Variants in LIMS1 observed in about 807,000 individuals in gnomAD.
LIMS1 encodes LIM and senescent cell antigen-like-containing domain protein 1.
A neutral mutation model predicts 44.1 loss-of-function variants in LIMS1; 18 were observed. The observed-to-expected ratio is 0.41, with a 90% CI of 0.28 to 0.61. The LOEUF is 0.61. LIMS1 is among the 20% of genes least tolerant of loss of function. LIMS1 has a pLI of 0.32. For missense variants in LIMS1, 201 were observed against 422.0 expected, an observed-to-expected ratio of 0.48 and a Z score of 4.59; for synonymous variants, 93 against 149.1, an observed-to-expected ratio of 0.62 and a Z score of 2.74.
At chr2:108,621,390 A>G in intron 1 of LIMS1, 3 of 1,550,198 alleles carry the variant, frequency 1.9e-6, no homozygotes, top group Non-Finnish European at 1.7e-6. Context: ...TTTCACATTC[A>G]GGTCTCTACA....
intron 2 of LIMS1, among the ~76,000 whole-genome samples, chr2:108,665,302 G>A (rs2438778): frequency 2.0e-5 from 3 of 152,080 alleles, no homozygotes; most frequent in Non-Finnish European, 4.4e-5. Flanking sequence ...AACCTGTACA[G>A]CATGTTACTA....
At chr2:108,595,329 G>GCACTCA (rs1328379637) in intron 1 of LIMS1, among the ~76,000 whole-genome samples, 11 of 152,072 alleles carry the variant, frequency 7.2e-5, no homozygotes, top group African/African-American at 2.7e-4. Context: ...TTCAGATGAG[G>GCACTCA]AGGTGTAATG....
intron 1 of LIMS1, among the ~76,000 whole-genome samples, chr2:108,614,146 G>A (rs527747847): frequency 5.5e-4 from 83 of 152,268 alleles, no homozygotes; most frequent in Admixed American, 1.6e-3. Context: ...CAGACTCTCC[G>A]CATGTGACTT....
intron 1 of LIMS1, among the ~76,000 whole-genome samples, chr2:108,544,522 G>T: frequency 6.6e-6 from 1 of 152,136 alleles, no homozygotes; most frequent in East Asian, 1.9e-4. Flanking sequence ...TTGAGGCGAT[G>T]TTTTTGCTCT....
At chr2:108,617,062 G>C (rs1162517390) in intron 1 of LIMS1, among the ~76,000 whole-genome samples, 2 of 152,148 alleles carry the variant, frequency 1.3e-5, no homozygotes, top group African/African-American at 4.8e-5. Flanking sequence ...TAATGGCCTG[G>C]AAATGTACAG....
rs528129855 is a variant in LIMS1 at position 108,563,460 on chromosome 2, A to G, written c.32+28866A>G. On this transcript the variant is annotated intron_variant, in intron 1 of 9. Coordinates refer to ENST00000544547, the Ensembl canonical transcript of LIMS1. ...TTGGAAGAAGTTGATTCCAGCCTTC[A>G]TGGATGACTTTCGGGGGCTCAAGAC... Among the ~76,000 whole-genome samples, 8 of 152,320 alleles carry G rather than the reference A, an allele frequency of 5.3e-5. No homozygotes were observed. The South Asian group carries it at 8.3e-4, about 16-fold the overall frequency.
chr2:108,547,683 A>G (rs572696609), intron 1 of LIMS1, among the ~76,000 whole-genome samples: 1 of 152,340 alleles, frequency 6.6e-6, no homozygotes, highest in South Asian at 2.1e-4. Flanking sequence ...GAACAAAACA[A>G]TTATTCATTC....
chr2:108,648,148 A>G (rs1460282238), intron 1 of LIMS1, among the ~76,000 whole-genome samples: 3 of 152,226 alleles, frequency 2.0e-5, no homozygotes, highest in East Asian at 3.8e-4. Flanking sequence ...TGCAAAAATC[A>G]CAGGCATTCC....
intron 1 of LIMS1, among the ~76,000 whole-genome samples, chr2:108,550,825 A>AG (rs1380302727): frequency 1.3e-5 from 2 of 150,902 alleles, no homozygotes. Flanking sequence ...CAAAAAAAAA[A>AG]AAACCCAGCT....
intron 1 of LIMS1, among the ~76,000 whole-genome samples, chr2:108,569,268 A>G (rs1685403273): frequency 6.6e-6 from 1 of 151,720 alleles, no homozygotes; most frequent in Non-Finnish European, 1.5e-5. Context: ...ATTTGCAAAT[A>G]TTTTCTCCTG....
At chr2:108,581,381 A>G (rs186939774) in intron 1 of LIMS1, among the ~76,000 whole-genome samples, 81 of 152,264 alleles carry the variant, frequency 5.3e-4, no homozygotes, top group Admixed American at 2.8e-3. Context: ...CAATCAAATA[A>G]TTTCTTTATT....
intron 1 of LIMS1, among the ~76,000 whole-genome samples, chr2:108,620,510 T>C (rs1688175921): frequency 6.6e-6 from 1 of 152,142 alleles, no homozygotes; most frequent in South Asian, 2.1e-4. Flanking sequence ...TCCCCAAACC[T>C]GTCCTCTGTT....
In LIMS1 at chr2:108,663,737, T is replaced by G. The variant is rs557553813; in HGVS notation, c.192+3973T>G. Among the ~76,000 whole-genome samples, 3 of 152,158 alleles carry G rather than the reference T, an allele frequency of 2.0e-5. No individual in the cohort carries two copies. The South Asian group carries it at 6.2e-4, about 32-fold the overall frequency. ...AAATGCATTAACAGTAAAGACCCATTTTTTTAATTTTTTATTTTTATTTTT... is the reference window on the plus strand; with the variant it reads ...AAATGCATTAACAGTAAAGACCCATGTTTTTAATTTTTTATTTTTATTTTT... On this transcript the variant is annotated intron_variant, in intron 2 of 9. Coordinates refer to ENST00000544547, the Ensembl canonical transcript of LIMS1.
chr2:108,550,828 A>AT (rs1403191215), intron 1 of LIMS1, among the ~76,000 whole-genome samples: 1 of 145,306 alleles, frequency 6.9e-6, no homozygotes, highest in Non-Finnish European at 1.5e-5. Flanking sequence ...AAAAAAAAAA[A>AT]CCCAGCTTTA....
At chr2:108,534,409 C>G (rs891691416) in exon 1 of LIMS1, 188 of 392,784 alleles carry the variant, frequency 4.8e-4, no homozygotes, top group East Asian at 3.2e-3. Context: ...CCTTCCCCCC[C>G]CTCCCGCGCC....
chr2:108,654,608 C>T (rs963331909), intron 1 of LIMS1, among the ~76,000 whole-genome samples: 6 of 152,062 alleles, frequency 3.9e-5, no homozygotes, highest in Admixed American at 1.3e-4. Context: ...GCCTCAGCCT[C>T]AGGGAGAGCT....
At chr2:108,551,006 G>A (rs1464537671) in intron 1 of LIMS1, among the ~76,000 whole-genome samples, 1 of 151,770 alleles carries the variant, frequency 6.6e-6, no homozygotes, top group African/African-American at 2.4e-5. Flanking sequence ...GCACACACTT[G>A]TAGTCCCAGC....
At chr2:108,665,421 G>A (rs1198574290) in intron 2 of LIMS1, among the ~76,000 whole-genome samples, 1 of 152,154 alleles carries the variant, frequency 6.6e-6, no homozygotes, top group Non-Finnish European at 1.5e-5. Context: ...AGTATATATG[G>A]TCCATTGTTG....
intron 1 of LIMS1, among the ~76,000 whole-genome samples, chr2:108,562,404 A>G (rs1420422467): frequency 1.3e-5 from 2 of 152,238 alleles, no homozygotes; most frequent in African/African-American, 2.4e-5. Flanking sequence ...CAAGTTGGGA[A>G]TACAAAGGAA....
Sources: allele counts gnomAD v4.1 joint callset (sites outside exome capture counted in the v4.1 genomes callset), GRCh38; gene constraint gnomAD v4.1.1; transcripts MANE v1.5; gene names NCBI Gene and HGNC (gene_info 2026-07-23, HGNC 2026-07-21).